ZNF385B: variants seen among roughly 807,000 people sequenced by gnomAD.
The protein encoded by ZNF385B is zinc finger protein 385B.
A neutral mutation model predicts 39.2 loss-of-function variants in ZNF385B; 23 were observed. That is an observed-to-expected ratio of 0.59 (90% CI 0.42 to 0.83). The LOEUF (loss-of-function observed/expected upper bound fraction) is 0.83, where lower values mean the gene tolerates loss of function less well. Ranked by LOEUF, ZNF385B falls within the 40% of genes least tolerant of loss-of-function variation. The pLI is 0.00. For synonymous variants in ZNF385B, 205 were observed against 222.6 expected, an observed-to-expected ratio of 0.92 and a Z score of 0.70; for missense variants, 552 against 598.9, an observed-to-expected ratio of 0.92 and a Z score of 0.82.
intron 3 of ZNF385B, among the ~76,000 whole-genome samples, chr2:179,569,230 C>G (rs918534853): frequency 2.0e-5 from 3 of 152,168 alleles, no homozygotes; most frequent in Non-Finnish European, 2.9e-5. Flanking sequence ...CTATGTTATG[C>G]TGCCTTGCTG....
At chr2:179,506,771 A>G (rs561074838) in intron 5 of ZNF385B, among the ~76,000 whole-genome samples, 51 of 152,148 alleles carry the variant, frequency 3.4e-4, no homozygotes, top group Non-Finnish European at 2.5e-4. Context: ...TAATTTCACA[A>G]TTATTTCTGA....
intron 3 of ZNF385B, among the ~76,000 whole-genome samples, chr2:179,716,217 A>G (rs563484445): frequency 6.6e-6 from 1 of 152,332 alleles, no homozygotes; most frequent in Admixed American, 6.5e-5. Context: ...ATAGGCCCAG[A>G]GAAAAGGTTT....
intron 4 of ZNF385B, among the ~76,000 whole-genome samples, chr2:179,524,026 G>C (rs2058694992): frequency 6.6e-6 from 1 of 151,862 alleles, no homozygotes; most frequent in African/African-American, 2.4e-5. Flanking sequence ...TTGAACTTCT[G>C]GCCTCATGTG....
chr2:179,787,848 C>T (rs1705094920), intron 1 of ZNF385B, among the ~76,000 whole-genome samples: 1 of 152,156 alleles, frequency 6.6e-6, no homozygotes, highest in Non-Finnish European at 1.5e-5. Flanking sequence ...AAGCTGTGGA[C>T]ACTAGGGGTT....
chr2:179,577,996 T>A (rs1009844380), intron 3 of ZNF385B, among the ~76,000 whole-genome samples: 2 of 152,128 alleles, frequency 1.3e-5, no homozygotes, highest in Non-Finnish European at 2.9e-5. Context: ...CATAATCATA[T>A]GCTATTATTG....
chr2:179,567,832 C>T (rs1684772207), intron 3 of ZNF385B, among the ~76,000 whole-genome samples: 1 of 152,222 alleles, frequency 6.6e-6, no homozygotes. Context: ...CTTCCTGCTT[C>T]CATCCATGTC....
intron 3 of ZNF385B, among the ~76,000 whole-genome samples, chr2:179,590,783 CCT>C (rs1177857685): frequency 6.6e-6 from 1 of 151,860 alleles, no homozygotes; most frequent in African/African-American, 2.4e-5. Context: ...CTTTGCGCTC[CCT>C]CTCTCTCTCC....
chr2:179,786,643 C>G (rs1229138957), intron 1 of ZNF385B, among the ~76,000 whole-genome samples: 1 of 151,882 alleles, frequency 6.6e-6, no homozygotes, highest in African/African-American at 2.4e-5. Context: ...CACCTAAAAC[C>G]ACTTCATCTT....
chr2:179,760,110 G>A (rs982986736), intron 3 of ZNF385B, among the ~76,000 whole-genome samples: 9 of 150,678 alleles, frequency 6.0e-5, no homozygotes, highest in African/African-American at 1.7e-4. Context: ...GTGCAGTGGC[G>A]TGATCTCAAA....
At chr2:179,622,293 A>G (rs1415763363) in intron 3 of ZNF385B, among the ~76,000 whole-genome samples, 1 of 152,188 alleles carries the variant, frequency 6.6e-6, no homozygotes, top group African/African-American at 2.4e-5. Flanking sequence ...TCTCAGATGT[A>G]TCATCACCCT....
intron 4 of ZNF385B, among the ~76,000 whole-genome samples, chr2:179,525,782 G>A (rs2058847329): frequency 6.6e-6 from 1 of 152,168 alleles, no homozygotes; most frequent in African/African-American, 2.4e-5. Flanking sequence ...AAATATTCAT[G>A]AAAGAACATG....
chr2:179,733,712 G>A lies in ZNF385B; in HGVS notation c.298+35791C>T, dbSNP rs537564747. 3.6e-4 allele frequency among the ~76,000 whole-genome samples: 55 copies of A among 151,904 alleles called. 1 individual carries two copies. The highest frequency in any genetic ancestry group is 1.1e-3 in the African/African-American group (47 of 41,400). On this transcript the variant is annotated intron_variant, in intron 3 of 9. Transcript: ENST00000410066. The stretch of plus-strand genomic sequence containing the variant: ...GCCGGAGAATGGCATGAACCCGGGA[G>A]GCGGAGCTTGCAGTAAGCCGAGGTT...
chr2:179,533,051 T>C (rs1475267604), intron 4 of ZNF385B, among the ~76,000 whole-genome samples: 2 of 152,144 alleles, frequency 1.3e-5, no homozygotes, highest in Non-Finnish European at 2.9e-5. Context: ...AATTCTGACA[T>C]TACCCTTGCA....
In ZNF385B at chr2:179,653,391, T is replaced by C. The variant is rs567475406; in HGVS notation, c.299-108422A>G. Among the ~76,000 whole-genome samples, 17 of 152,294 alleles carry C rather than the reference T, an allele frequency of 1.1e-4. 1 individual carries two copies. The South Asian group carries it at 3.3e-3, about 30-fold the overall frequency. On this transcript the variant is annotated intron_variant, in intron 3 of 9. Transcript: ENST00000410066. ...CCTCTCTCTAGAAGAACAGCTCTTG[T>C]TGAGTAGTTTCTATACAGCCTCCAG... is the stretch of plus-strand genomic sequence containing the variant.
chr2:179,555,815 C>T lies in ZNF385B; in HGVS notation c.299-10846G>A, dbSNP rs985223150. Among the ~76,000 whole-genome samples the T allele has an allele frequency of 3.4e-5, 5 of 149,108 alleles. 1 individual carries two copies. Among genetic ancestry groups the T allele is most frequent in the African/African-American group, 1.3e-4 (5 of 39,388 alleles). ...AGAACTCTGAGTCTATAAAATCTAACAATTGGCAGTTACGTGCCTGAATTT... is the reference window on the plus strand; with the variant it reads ...AGAACTCTGAGTCTATAAAATCTAATAATTGGCAGTTACGTGCCTGAATTT... On this transcript the variant is annotated intron_variant, in intron 3 of 9. Transcript: ENST00000410066.
rs556114248 is a variant in ZNF385B at position 179,754,935 on chromosome 2, C to G, written c.298+14568G>C. Reference sequence around the variant, plus strand: ...GTTTTTTGTGTCTCTATCTCCTTCACTTCTGCTCTGATCTTACTTATTTCT... The same window carrying G: ...GTTTTTTGTGTCTCTATCTCCTTCAGTTCTGCTCTGATCTTACTTATTTCT... On this transcript the variant is annotated intron_variant, in intron 3 of 9. Transcript: ENST00000410066. 5.7e-4 allele frequency among the ~76,000 whole-genome samples: 86 copies of G among 152,152 alleles called. 1 individual carries two copies. The highest frequency in any genetic ancestry group is 5.4e-3 in the South Asian group (26 of 4,814).
intron 3 of ZNF385B, among the ~76,000 whole-genome samples, chr2:179,667,562 G>A (rs1315755974): frequency 6.6e-6 from 1 of 152,080 alleles, no homozygotes; most frequent in African/African-American, 2.4e-5. Context: ...ACTGATTTCG[G>A]GGCAGCTAAT....
At chr2:179,741,154 T>C (rs1001315301) in intron 3 of ZNF385B, among the ~76,000 whole-genome samples, 3 of 152,144 alleles carry the variant, frequency 2.0e-5, no homozygotes, top group African/African-American at 7.2e-5. Flanking sequence ...GTTGCATAAC[T>C]GACAGAGAAC....
chr2:179,758,034 C>A (rs945081102), intron 3 of ZNF385B, among the ~76,000 whole-genome samples: 5 of 152,210 alleles, frequency 3.3e-5, no homozygotes, highest in African/African-American at 1.2e-4. Context: ...ATGCAGAAAT[C>A]ACCCATCTTC....
Sources: allele counts gnomAD v4.1 joint callset (sites outside exome capture counted in the v4.1 genomes callset), GRCh38; gene constraint gnomAD v4.1.1; transcripts MANE v1.5; gene names NCBI Gene and HGNC (gene_info 2026-07-23, HGNC 2026-07-21).